The following CHD2 variants were observed in gnomAD, a reference collection of about 807,000 sequenced individuals.
CHD2 encodes chromodomain helicase DNA binding protein 2, also known as ATP-dependent chromatin remodeler CHD2.
Under a neutral mutation model 243.9 loss-of-function variants are expected in CHD2, and 28 were observed. The ratio of observed to expected loss-of-function variants is 0.11; its 90% confidence interval spans 0.09 to 0.16. CHD2 has a LOEUF of 0.16. CHD2 is among the 10% of genes least tolerant of loss of function. The pLI is 1.00. For missense variants in CHD2, 1,386 were observed against 2,209.8 expected (o/e 0.63, Z 7.47); for synonymous variants, 775 against 779.0 (o/e 0.99, Z 0.09).
intron 32 of CHD2, among the ~76,000 whole-genome samples, 182 bp downstream of exon 32, chr15:93,000,822 C>T (rs2054245434): frequency 6.6e-6 from 1 of 152,138 alleles, no homozygotes; most frequent in South Asian, 2.1e-4. Flanking sequence ...CAAATTTGTA[C>T]ATAATGGAAG....
intron 2 of CHD2, chr15:92,904,440 G>C (rs1394719585): frequency 2.0e-5 from 20 of 988,444 alleles, no homozygotes; most frequent in Non-Finnish European, 2.0e-5. Context: ...CTGGCCGCGT[G>C]CGCATGTCGG....
At chr15:92,970,426 C>T (rs1356416522) in intron 17 of CHD2, among the ~76,000 whole-genome samples, 37 of 152,168 alleles carry the variant, frequency 2.4e-4, no homozygotes, top group Admixed American at 2.4e-3. Flanking sequence ...GTCTCGAACT[C>T]CCAACCTCAG....
At chr15:93,004,525 C>T (rs1331775374) in intron 33 of CHD2, 92 bp from the exon 34 acceptor site, 17 of 1,190,284 alleles carry the variant, frequency 1.4e-5, no homozygotes, top group Admixed American at 2.6e-5. Context: ...ATCATATTTA[C>T]CCATTTTAAT....
Position 92,917,361 on chromosome 15 carries a change from C to A in CHD2, c.63-6960C>A, listed in dbSNP as rs567551907. Among the ~76,000 whole-genome samples the A allele has an allele frequency of 3.9e-3, 592 of 152,294 alleles. 7 individuals carry two copies. The highest frequency in any genetic ancestry group is 0.013 in the African/African-American group (560 of 41,558). On this transcript the variant is annotated intron_variant, in intron 2 of 38. Transcript: ENST00000394196. ...ATTACCTGAGGTCCGGAGTTCAAGA[C>A]CAGCCTGGCCGACATGGTGAAACCC...
At chr15:93,005,851 GTCTT>G (rs1005098345) in intron 34 of CHD2, among the ~76,000 whole-genome samples, 5 of 152,090 alleles carry the variant, frequency 3.3e-5, no homozygotes, top group Admixed American at 1.3e-4. Context: ...CTGTTTCCTA[GTCTT>G]TCTTTTCCGA....
chr15:92,980,946 G>A (rs1341192986), intron 23 of CHD2, 35 bp downstream of exon 23: 2 of 1,448,384 alleles, frequency 1.4e-6, no homozygotes, highest in Non-Finnish European at 1.9e-6. Flanking sequence ...ATTTTTTTGA[G>A]AAGTATGATC....
At position 92,958,599 on chromosome 15, in the gene CHD2, AG is replaced by A; in HGVS notation, c.2000+1952del. On this transcript the variant is annotated intron_variant, in intron 16 of 38. Coordinates refer to ENST00000394196, the MANE Select transcript of CHD2 (RefSeq NM_001271.4). ...TTGTTTGTCTTATTATGAGTTGAAG[AG>A]GTTTTTTATTTCTTTTAAAAAAATT... Among the ~76,000 whole-genome samples the A allele has an allele frequency of 2.6e-5, 4 of 152,320 alleles. No homozygotes were observed. The Middle Eastern group carries it at 0.01, about 389-fold the overall frequency.
chr15:92,934,969 A>G (rs972659506), intron 5 of CHD2, among the ~76,000 whole-genome samples: 4 of 151,522 alleles, frequency 2.6e-5, no homozygotes, highest in Admixed American at 2.6e-4. Context: ...ACTGCACTTC[A>G]GTTTCCTTCT....
chr15:92,938,698 G>A (rs568931263), intron 6 of CHD2, among the ~76,000 whole-genome samples: 1 of 152,302 alleles, frequency 6.6e-6, no homozygotes, highest in South Asian at 2.1e-4. Context: ...GGTATGGGAG[G>A]TATGAGAGAA....
intron 5 of CHD2, among the ~76,000 whole-genome samples, chr15:92,930,179 A>G (rs559458832): frequency 6.6e-6 from 1 of 152,236 alleles, no homozygotes; most frequent in South Asian, 2.1e-4. Context: ...TTACTGGTCT[A>G]ATGGCCTTTT....
chr15:92,927,598 C>T (rs140495921), intron 4 of CHD2, among the ~76,000 whole-genome samples: 19 of 152,192 alleles, frequency 1.2e-4, no homozygotes, highest in African/African-American at 4.6e-4. Flanking sequence ...TTTAAGTTGT[C>T]TCTCATAGTG....
At chr15:92,979,309 A>G in intron 22 of CHD2, 26 bp downstream of exon 22, 1 of 1,609,698 alleles carries the variant, frequency 6.2e-7, no homozygotes, top group Non-Finnish European at 8.5e-7. Flanking sequence ...ATTGGGAGGT[A>G]GGCAGAATCA....
At chr15:92,961,723 G>A (rs778002624) in intron 16 of CHD2, among the ~76,000 whole-genome samples, 2 of 152,008 alleles carry the variant, frequency 1.3e-5, no homozygotes, top group Non-Finnish European at 2.9e-5. Context: ...ATTCTTTTAA[G>A]GATCAATAGT....
chr15:92,918,741 G>A (rs1404563820), intron 2 of CHD2, among the ~76,000 whole-genome samples: 3 of 148,920 alleles, frequency 2.0e-5, no homozygotes, highest in Non-Finnish European at 1.5e-5. Flanking sequence ...AGGAAATGTC[G>A]TTTTTTTAAG....
intron 8 of CHD2, among the ~76,000 whole-genome samples, 195 bp downstream of exon 8, chr15:92,942,150 G>C (rs1162247915): frequency 6.6e-6 from 1 of 152,150 alleles, no homozygotes; most frequent in Non-Finnish European, 1.5e-5. Flanking sequence ...TTTAAATTAA[G>C]CTAGTATAGA....
intron 2 of CHD2, among the ~76,000 whole-genome samples, chr15:92,922,435 C>T (rs1383827596): frequency 1.3e-5 from 2 of 152,152 alleles, no homozygotes; most frequent in African/African-American, 4.8e-5. Context: ...AACCTCCCCT[C>T]GACCCCTGCT....
intron 16 of CHD2, among the ~76,000 whole-genome samples, chr15:92,959,692 A>G (rs2053660358): frequency 6.6e-6 from 1 of 152,164 alleles, no homozygotes; most frequent in African/African-American, 2.4e-5. Flanking sequence ...GGGTTTTGCC[A>G]TGTTGGCCAG....
intron 2 of CHD2, 80 bp from the exon 3 acceptor site, chr15:92,924,241 T>A: frequency 7.9e-7 from 1 of 1,267,648 alleles, no homozygotes; most frequent in Non-Finnish European, 1.1e-6. Context: ...TGCAAATGTT[T>A]TACCATGAGA....
At chr15:93,016,146 A>G (rs1334179259) in intron 37 of CHD2, among the ~76,000 whole-genome samples, 1 of 152,242 alleles carries the variant, frequency 6.6e-6, no homozygotes, top group Non-Finnish European at 1.5e-5. Flanking sequence ...GAAAATGTGT[A>G]TATACACAAT....
Sources: gnomAD v4.1 joint callset for allele counts (sites outside exome capture counted in the v4.1 genomes callset) on GRCh38, gnomAD v4.1.1 for gene constraint, MANE v1.5 for transcripts, NCBI Gene and HGNC (gene_info 2026-07-23, HGNC 2026-07-21) for gene names.